CPEB2: variants seen among roughly 807,000 people sequenced by gnomAD.
CPEB2 encodes cytoplasmic polyadenylation element-binding protein 2.
A neutral mutation model predicts 93.6 loss-of-function variants in CPEB2; 56 were observed. That is an observed-to-expected ratio of 0.60 (90% CI 0.48 to 0.75). The LOEUF (loss-of-function observed/expected upper bound fraction) is 0.75. Among genes scored for constraint, CPEB2 ranks in the 30% least tolerant of loss-of-function variants. CPEB2 has a pLI of 0.00. For missense variants in CPEB2, 1,579 were observed against 1,395.1 expected, an observed-to-expected ratio of 1.13 and a Z score of -2.10; for synonymous variants, 764 against 586.3, an observed-to-expected ratio of 1.30 and a Z score of -4.38.
chr4:15,019,941 A>G (rs1030675903), intron 4 of CPEB2, among the ~76,000 whole-genome samples: 2 of 152,080 alleles, frequency 1.3e-5, no homozygotes, highest in Non-Finnish European at 2.9e-5. Context: ...CTGGCTAAGG[A>G]TATCTCATGA....
At chr4:15,011,845 T>G (rs563674750) in intron 3 of CPEB2, among the ~76,000 whole-genome samples, 6 of 152,160 alleles carry the variant, frequency 3.9e-5, no homozygotes, top group Non-Finnish European at 7.4e-5. Context: ...GCCTTCCACC[T>G]GGGGAATTAT....
At chr4:15,039,715 C>T (rs937387431) in intron 5 of CPEB2, among the ~76,000 whole-genome samples, 5 of 151,652 alleles carry the variant, frequency 3.3e-5, no homozygotes, top group African/African-American at 4.8e-5. Flanking sequence ...GATAGAAATG[C>T]CTATATACTT....
In CPEB2 at chr4:15,004,144, C is replaced by T. The variant is rs1262326129; in HGVS notation, c.1471C>T (p.Pro491Ser). ...SGGGGGGFGG[P>S]FSATAVPPPP... ...CGGCGGCGGCGGCGGCTTCGGCGGC[C>T]CCTTCTCGGCTACCGCTGTGCCCCC... Residue 491 changes from proline (P) to serine (S), a missense_variant, in exon 1 of 12, where the codon CCC (proline) becomes TCC (serine). Pro to Ser is a moderately conservative substitution (Grantham distance 74). Around this residue, in one of 2 missense-constraint regions of CPEB2, gnomAD observed 1,411 missense variants for 1,056.0 expected, o/e 1.34. Coordinates refer to ENST00000538197, the MANE Select transcript of CPEB2 (RefSeq NM_001177382.2). 40 of 1,171,254 alleles carry T rather than the reference C, an allele frequency of 3.4e-5. No homozygotes were observed. Among genetic ancestry groups the T allele is most frequent in the Non-Finnish European group, 4.4e-5 (38 of 869,562 alleles). 72.6% of individuals were successfully genotyped at this position (1,171,254 alleles called of 1,614,324 possible).
chr4:15,003,677 G>A lies in CPEB2; in HGVS notation c.1004G>A (p.Gly335Asp). The A allele has an allele frequency of 6.8e-7, 1 of 1,463,410 alleles. No homozygotes were observed. The highest frequency in any genetic ancestry group is 3.0e-5 in the East Asian group (1 of 32,980). 90.7% of individuals were successfully genotyped at this position (1,463,410 alleles called of 1,614,324 possible). ...PSNLLPGGAL[G>D]AGAFSSLQSP... ...AACCTCCTGCCCGGAGGTGCGCTTG[G>A]CGCGGGCGCCTTCAGCAGCCTGCAG... The change falls in exon 1 of 12, where the codon GGC becomes GAC. Residue 335 changes from glycine to aspartate, a missense_variant. This residue lies in a region of CPEB2 where 1,411 missense variants were observed against 1,056.0 expected (regional missense o/e 1.34). Transcript: ENST00000538197.
At chr4:15,015,827 G>A (rs1724071116) in intron 3 of CPEB2, among the ~76,000 whole-genome samples, 1 of 151,854 alleles carries the variant, frequency 6.6e-6, no homozygotes, top group Admixed American at 6.6e-5. Context: ...CATATGATAA[G>A]GTTTAATTCA....
intron 4 of CPEB2, among the ~76,000 whole-genome samples, chr4:15,029,398 G>A (rs953336597): frequency 6.6e-6 from 1 of 151,982 alleles, no homozygotes; most frequent in Non-Finnish European, 1.5e-5. Context: ...AGATACGATA[G>A]ATCCTCTAGT....
intron 4 of CPEB2, among the ~76,000 whole-genome samples, chr4:15,028,862 G>A (rs962974118): frequency 1.3e-5 from 2 of 152,056 alleles, no homozygotes; most frequent in African/African-American, 2.4e-5. Flanking sequence ...AATGTAATCT[G>A]GTAATTTCTC....
chr4:15,024,972 C>T (rs1725284342), intron 4 of CPEB2, among the ~76,000 whole-genome samples: 1 of 152,002 alleles, frequency 6.6e-6, no homozygotes, highest in Admixed American at 6.6e-5. Flanking sequence ...GTCTCGAACT[C>T]CTGACTTTGT....
At chr4:15,031,990 C>G (rs970604404) in intron 4 of CPEB2, among the ~76,000 whole-genome samples, 7 of 152,262 alleles carry the variant, frequency 4.6e-5, no homozygotes, top group Admixed American at 4.6e-4. Context: ...GTACTCCTTA[C>G]TTGTGTGCTA....
In CPEB2 at chr4:15,053,207, G is replaced by A. The variant is rs76477618; in HGVS notation, c.2371+623G>A. Among the ~76,000 whole-genome samples, 434 of 151,958 alleles carry A rather than the reference G, an allele frequency of 2.9e-3. 4 individuals are homozygous for A. Among genetic ancestry groups the A allele is most frequent in the African/African-American group, 0.01 (422 of 41,446 alleles). ...AATTTGTTGTATTTTTAGGTGAGAC[G>A]GGGTTTCACTGTGTTAGCCAGAATG... is the stretch of plus-strand genomic sequence containing the variant. On this transcript the variant is annotated intron_variant, in intron 7 of 11. Transcript: ENST00000538197.
chr4:15,066,187 T>C lies in CPEB2; in HGVS notation c.2912T>C (p.Met971Thr), dbSNP rs1009188231. The change falls in exon 12 of 12, where the codon ATG becomes ACG. Residue 971 changes from methionine (M) to threonine (T), a missense_variant. Transcript: ENST00000538197. ...AAGCCATATGTGCTAGATGACCAGA[T>C]GTGTGATGAATGCCAGGGCGCACGC... is the stretch of plus-strand genomic sequence containing the variant. ...EVKPYVLDDQMCDECQGARCG... is the reference protein window; with the variant it reads ...EVKPYVLDDQTCDECQGARCG... The C allele has an allele frequency of 6.2e-7, 1 of 1,613,378 alleles. No individual in the cohort carries two copies. The highest frequency in any genetic ancestry group is 8.5e-7 in the Non-Finnish European group (1 of 1,179,622).
chr4:15,013,205 G>C (rs1288307883), intron 3 of CPEB2, among the ~76,000 whole-genome samples: 1 of 151,930 alleles, frequency 6.6e-6, no homozygotes, highest in Non-Finnish European at 1.5e-5. Flanking sequence ...TATAATAAAA[G>C]AGGTTATGCC....
At chr4:15,065,748 C>T (rs1479393498) in intron 11 of CPEB2, among the ~76,000 whole-genome samples, 2 of 152,042 alleles carry the variant, frequency 1.3e-5, no homozygotes, top group African/African-American at 2.4e-5. Flanking sequence ...GTGACTCGCA[C>T]CTGCAGTGGA....
At chr4:15,018,930 G>A (rs1219738774) in intron 4 of CPEB2, among the ~76,000 whole-genome samples, 13 of 93,162 alleles carry the variant, frequency 1.4e-4, no homozygotes, top group Non-Finnish European at 1.9e-4. Context: ...AAGGCTAAGG[G>A]GAATTTTATA....
chr4:15,021,205 C>G (rs905004581), intron 4 of CPEB2, among the ~76,000 whole-genome samples: 1 of 152,040 alleles, frequency 6.6e-6, no homozygotes, highest in South Asian at 2.1e-4. Context: ...GGCACTGACC[C>G]GTCTGCTTTA....
At chr4:15,027,671 G>T (rs1725633383) in intron 4 of CPEB2, among the ~76,000 whole-genome samples, 1 of 152,120 alleles carries the variant, frequency 6.6e-6, no homozygotes, top group Non-Finnish European at 1.5e-5. Flanking sequence ...TTGGGGCAAT[G>T]CTTTATTTAA....
intron 6 of CPEB2, among the ~76,000 whole-genome samples, chr4:15,040,717 T>A (rs1391909518): frequency 6.6e-6 from 1 of 152,212 alleles, no homozygotes; most frequent in Non-Finnish European, 1.5e-5. Flanking sequence ...TGCTGAGATT[T>A]AACTCTAGTT....
rs779866865 is a variant in CPEB2, at chr4:15,003,294, G to A, written c.621G>A (p.Arg207=). The A allele has an allele frequency of 6.9e-7, 1 of 1,455,290 alleles. No homozygotes were observed. The highest frequency in any genetic ancestry group is 2.8e-5 in the Admixed American group (1 of 35,136). The allele number at this position is 1,455,290 out of a possible 1,614,324, so 90.1% of individuals were successfully genotyped here. A position where few individuals can be genotyped will look rare whatever the true frequency, so the allele number is the denominator to read the frequency against. The change falls in exon 1 of 12, where the codon CGG becomes CGA. Residue 207 remains arginine (R), a synonymous_variant. Coordinates refer to ENST00000538197, the MANE Select transcript of CPEB2 (RefSeq NM_001177382.2). The part of the protein sequence containing the change: ...PPPPPLHCPG[R]FSPPPPPAGP... Reference sequence around the variant, plus strand: ...CTCCGCCGCTCCACTGCCCCGGTCGGTTCAGCCCGCCGCCGCCGCCAGCCG... The same window carrying A: ...CTCCGCCGCTCCACTGCCCCGGTCGATTCAGCCCGCCGCCGCCGCCAGCCG...
chr4:15,022,511 T>C (rs1380488929), intron 4 of CPEB2, among the ~76,000 whole-genome samples: 1 of 152,130 alleles, frequency 6.6e-6, no homozygotes, highest in African/African-American at 2.4e-5. Flanking sequence ...ATCTAATATA[T>C]ATATGCATTC....
Sources: gnomAD v4.1 joint callset for allele counts (sites outside exome capture counted in the v4.1 genomes callset) on GRCh38, gnomAD v4.1.1 for gene constraint, gnomAD v4.1.1 regional missense constraint, MANE v1.5 for transcripts, NCBI Gene and HGNC (gene_info 2026-07-23, HGNC 2026-07-21) for gene names.